BBX: variants seen among roughly 807,000 people sequenced by gnomAD.
The protein encoded by BBX is BBX high mobility group box domain containing, also known as HMG box transcription factor BBX.
In BBX, 30 loss-of-function variants were observed where a neutral mutation model predicts 100.2. That is an observed-to-expected ratio of 0.30 (90% CI 0.22 to 0.41). BBX has a LOEUF of 0.41. BBX is among the 10% of genes least tolerant of loss of function. The pLI, the probability that BBX is intolerant of heterozygous loss-of-function variation, is 1.00. For missense variants in BBX, 1,023 were observed against 1,129.8 expected, an observed-to-expected ratio of 0.91 and a Z score of 1.35; for synonymous variants, 376 against 388.1, an observed-to-expected ratio of 0.97 and a Z score of 0.37.
At chr3:107,523,242 GGC>G (rs869105110) in intron 1 of BBX, 135 bp downstream of exon 1, 1 of 224,730 alleles carries the variant, frequency 4.4e-6, no homozygotes, top group African/African-American at 2.4e-5. Context: ...CGGCGGCGGC[GGC>G]GGCAGCCGGT....
intron 3 of BBX, among the ~76,000 whole-genome samples, chr3:107,696,838 T>G (rs1486270546): frequency 6.6e-6 from 1 of 151,564 alleles, no homozygotes; most frequent in African/African-American, 2.4e-5. Flanking sequence ...GGTACACCAA[T>G]CAGACATAGA....
chr3:107,781,455 T>G (rs537827040), intron 13 of BBX, among the ~76,000 whole-genome samples: 5 of 152,112 alleles, frequency 3.3e-5, no homozygotes, highest in Admixed American at 6.6e-5. Flanking sequence ...TAACTCACAA[T>G]GCAATTCAGC....
intron 3 of BBX, among the ~76,000 whole-genome samples, chr3:107,706,863 C>G (rs573810636): frequency 5.9e-5 from 9 of 152,126 alleles, no homozygotes; most frequent in African/African-American, 2.2e-4. Flanking sequence ...CTTTCTTTGC[C>G]CTTGTCTTTC....
intron 2 of BBX, chr3:107,638,509 C>G (rs566213080): frequency 1.1e-4 from 16 of 152,238 alleles, no homozygotes; most frequent in Non-Finnish European, 2.1e-4. Context: ...CAGGAATATC[C>G]TTGGAATTAA....
At chr3:107,697,296 T>G (rs574412308) in intron 3 of BBX, among the ~76,000 whole-genome samples, 5 of 151,910 alleles carry the variant, frequency 3.3e-5, no homozygotes, top group Non-Finnish European at 7.3e-5. Flanking sequence ...GTTTCCAGTT[T>G]TTCTGCTCTG....
intron 12 of BBX, among the ~76,000 whole-genome samples, chr3:107,775,346 T>C (rs1438683170): frequency 1.3e-5 from 2 of 152,178 alleles, no homozygotes; most frequent in Non-Finnish European, 2.9e-5. Context: ...AATATTCTGC[T>C]GTAGAGAACA....
At chr3:107,709,073 G>A in intron 3 of BBX, among the ~76,000 whole-genome samples, 1 of 151,992 alleles carries the variant, frequency 6.6e-6, no homozygotes, top group East Asian at 1.9e-4. Flanking sequence ...TAGGATAGAA[G>A]GAATAATGAA....
In BBX at chr3:107,689,036, G is replaced by A. The variant is rs2060002871; in HGVS notation, c.-9-21416G>A. Among the ~76,000 whole-genome samples the A allele has an allele frequency of 3.3e-5, 5 of 152,184 alleles. No homozygotes were observed. The South Asian group carries it at 8.3e-4, about 25-fold the overall frequency. On this transcript the variant is annotated intron_variant, in intron 3 of 17. Coordinates refer to ENST00000325805, the MANE Select transcript of BBX (RefSeq NM_001142568.3). ...TTTGGTACACAGCAGACAACGACAG[G>A]TTTTCCTTATTTTTTTCCCCCTAGA...
At chr3:107,745,632 T>G (rs1256386219) in intron 8 of BBX, among the ~76,000 whole-genome samples, 3 of 152,058 alleles carry the variant, frequency 2.0e-5, no homozygotes. Context: ...AACTAATTTT[T>G]TTTTTTAAAC....
At chr3:107,755,528 G>A (rs2065406535) in intron 9 of BBX, 70 bp from the exon 10 acceptor site, 2 of 1,358,032 alleles carry the variant, frequency 1.5e-6, no homozygotes, top group Non-Finnish European at 2.1e-6. Context: ...ATTCCTGAAT[G>A]TATATGAATG....
intron 10 of BBX, among the ~76,000 whole-genome samples, chr3:107,768,718 T>C (rs1454820577): frequency 6.9e-6 from 1 of 145,864 alleles, no homozygotes; most frequent in Non-Finnish European, 1.5e-5. Flanking sequence ...TACATGACAG[T>C]AAACCCAATA....
chr3:107,805,629 T>G lies in BBX; in HGVS notation c.*172T>G. 2 of 1,287,892 alleles carry G rather than the reference T, an allele frequency of 1.6e-6. No homozygotes were observed. Among genetic ancestry groups the G allele is most frequent in the Non-Finnish European group, 2.1e-6 (2 of 940,078 alleles). The allele number at this position is 1,287,892 out of a possible 1,614,324, so 79.8% of individuals were successfully genotyped here. On this transcript the variant is annotated 3_prime_UTR_variant, in exon 18 of 18. Transcript: ENST00000325805. Reference sequence around the variant, plus strand: ...AAGTTAGCATCCTGGGCCAGTTTGTTCTCTCAGAACCCAGAATCTTTGAGG... The same window carrying G: ...AAGTTAGCATCCTGGGCCAGTTTGTGCTCTCAGAACCCAGAATCTTTGAGG...
At chr3:107,717,753 CATTATACACTTAA>C (rs1276832013) in intron 5 of BBX, among the ~76,000 whole-genome samples, 8 of 152,096 alleles carry the variant, frequency 5.3e-5, no homozygotes, top group African/African-American at 1.9e-4. Context: ...AATGTGAGAC[CATTATACACTTAA>C]ATGTATTGTG....
In BBX at chr3:107,728,859, G is replaced by C; in HGVS notation, c.500G>C (p.Arg167Pro). 3 of 1,613,914 alleles carry C rather than the reference G, an allele frequency of 1.9e-6. No individual in the cohort carries two copies. Among genetic ancestry groups the C allele is most frequent in the Non-Finnish European group, 2.5e-6 (3 of 1,179,870 alleles). Reference sequence around the variant, plus strand: ...TCCCCAACACCCACTGTCAATCCACGAAAGAAACTTTGGGCCTTCCCATCT... The same window carrying C: ...TCCCCAACACCCACTGTCAATCCACCAAAGAAACTTTGGGCCTTCCCATCT... ...VKSPTPTVNP[R>P]KKLWAFPSDS... Residue 167 changes from arginine to proline, a missense_variant, in exon 6 of 18, where the codon CGA (arginine) becomes CCA (proline). Coordinates refer to ENST00000325805, the MANE Select transcript of BBX (RefSeq NM_001142568.3).
intron 2 of BBX, among the ~76,000 whole-genome samples, chr3:107,553,067 A>C (rs2049820441): frequency 6.6e-6 from 1 of 152,328 alleles, no homozygotes; most frequent in South Asian, 2.1e-4. Context: ...AGGATCTGCT[A>C]AATTTGCTGA....
At chr3:107,599,325 C>T (rs1261193616) in intron 2 of BBX, 1 of 152,298 alleles carries the variant, frequency 6.6e-6, no homozygotes, top group African/African-American at 2.4e-5. Context: ...CTCAGATCAG[C>T]TTCCTGCTTC....
At chr3:107,657,577 A>G (rs771213964) in intron 3 of BBX, among the ~76,000 whole-genome samples, 1 of 152,140 alleles carries the variant, frequency 6.6e-6, no homozygotes, top group Non-Finnish European at 1.5e-5. Context: ...AATGGAGGGT[A>G]TTTAAAAGAA....
chr3:107,671,362 G>T (rs2059011387), intron 3 of BBX, among the ~76,000 whole-genome samples: 2 of 151,950 alleles, frequency 1.3e-5, no homozygotes, highest in Admixed American at 6.6e-5. Flanking sequence ...AATTTGTAGA[G>T]ATTTGAGCCT....
chr3:107,528,041 T>A (rs1298467413), intron 2 of BBX, among the ~76,000 whole-genome samples: 1 of 152,118 alleles, frequency 6.6e-6, no homozygotes, highest in Non-Finnish European at 1.5e-5. Context: ...TGTATTTCTT[T>A]GAGATATCAA....
Sources: gnomAD v4.1 joint callset for allele counts (sites outside exome capture counted in the v4.1 genomes callset) on GRCh38, gnomAD v4.1.1 for gene constraint, MANE v1.5 for transcripts, NCBI Gene and HGNC (gene_info 2026-07-23, HGNC 2026-07-21) for gene names.